The following FANCD2 variants were observed in gnomAD, a reference collection of about 807,000 sequenced individuals.
FANCD2 encodes Fanconi anemia group D2 protein.
FANCD2 carries 131 observed loss-of-function variants against 192.3 expected under a neutral mutation model. The observed-to-expected ratio is 0.68, with a 90% CI of 0.59 to 0.79. FANCD2 has a LOEUF of 0.79. FANCD2 is among the 30% of genes least tolerant of loss of function. The probability of loss-of-function intolerance (pLI) is 0.00; values close to 1 mark genes in which losing one functional copy is unlikely to be tolerated. For synonymous variants in FANCD2, 524 were observed against 612.5 expected (o/e 0.86, Z 2.13); for missense variants, 1,508 against 1,701.6 (o/e 0.89, Z 2.00).
intron 34 of FANCD2, among the ~76,000 whole-genome samples, chr3:10,087,746 T>C (rs1694307870): frequency 6.6e-6 from 1 of 152,142 alleles, no homozygotes; most frequent in African/African-American, 2.4e-5. Flanking sequence ...CCTCCCAGGT[T>C]CAAACGATTC....
intron 2 of FANCD2, among the ~76,000 whole-genome samples, chr3:10,030,751 T>G (rs765154899): frequency 5.3e-5 from 8 of 152,078 alleles, no homozygotes; most frequent in Non-Finnish European, 1.0e-4. Context: ...AATACAAAAA[T>G]TAGCTGGGCG....
chr3:10,048,636 G>A (rs1192525969), intron 16 of FANCD2, among the ~76,000 whole-genome samples: 6 of 152,288 alleles, frequency 3.9e-5, no homozygotes, highest in Admixed American at 2.0e-4. Context: ...TATCCAGAGA[G>A]GGAGGACTGT....
chr3:10,053,466 A>G (rs1194088327), intron 18 of FANCD2, among the ~76,000 whole-genome samples: 2 of 152,128 alleles, frequency 1.3e-5, no homozygotes, highest in Admixed American at 6.5e-5. Context: ...AGCATGGCAC[A>G]TGTATACATA....
Position 10,065,481 on chromosome 3 carries a change from T to A in FANCD2, c.2256T>A (p.Ile752=), listed in dbSNP as rs373461068. The A allele has an allele frequency of 4.4e-5, 70 of 1,607,704 alleles. No homozygotes were observed. In the African/African-American group the frequency reaches 8.6e-4, roughly 20 times the overall value. The change falls in exon 24 of 44, where the codon ATT becomes ATA. Residue 752 remains isoleucine (I), a synonymous_variant. Coordinates refer to ENST00000675286, the MANE Select transcript of FANCD2 (RefSeq NM_001018115.3). ...ERQHNGNLEE[I]DGLLDCPIFL... Reference sequence around the variant, plus strand: ...AGCATAACGGAAACTTGGAGGAGATTGATGGTCTACTAGGTATGGGATGAA... The same window carrying A: ...AGCATAACGGAAACTTGGAGGAGATAGATGGTCTACTAGGTATGGGATGAA...
At chr3:10,070,635 C>G (rs1693176957) in intron 26 of FANCD2, among the ~76,000 whole-genome samples, 1 of 144,664 alleles carries the variant, frequency 6.9e-6, no homozygotes, top group Non-Finnish European at 1.5e-5. Context: ...GTGTACCCAA[C>G]AGCTCATTGA....
chr3:10,063,974 A>G (rs2087642748), intron 21 of FANCD2, 63 bp downstream of exon 21: 6 of 1,612,846 alleles, frequency 3.7e-6, no homozygotes, highest in Non-Finnish European at 5.1e-6. Context: ...ACACTCTTCA[A>G]GTCTTTCTGT....
intron 41 of FANCD2, among the ~76,000 whole-genome samples, chr3:10,096,085 C>T (rs1028723275): frequency 3.3e-5 from 5 of 152,102 alleles, no homozygotes; most frequent in African/African-American, 9.7e-5. Context: ...CATTGAAGAT[C>T]GGCCAGTAAG....
At position 10,042,497 on chromosome 3, in the gene FANCD2, T is replaced by G. The variant is rs2086889969; in HGVS notation, c.784-62T>G. The G allele has an allele frequency of 9.0e-6, 11 of 1,221,234 alleles. No individual in the cohort carries two copies. The South Asian group carries it at 1.3e-4, about 15-fold the overall frequency. 75.6% of individuals were successfully genotyped at this position (1,221,234 alleles called of 1,614,324 possible). A position where few individuals can be genotyped will look rare whatever the true frequency, so the allele number is the denominator to read the frequency against. ...TTTTTTTCTAATTTTATCTAACAGTTCAGTACAAAGTTGAGGTAGTGACAT... is the reference window on the plus strand; with the variant it reads ...TTTTTTTCTAATTTTATCTAACAGTGCAGTACAAAGTTGAGGTAGTGACAT... On this transcript the variant is annotated intron_variant, in intron 10 of 43. Coordinates refer to ENST00000675286, the MANE Select transcript of FANCD2 (RefSeq NM_001018115.3).
chr3:10,065,689 C>G (rs2087699299), intron 24 of FANCD2, among the ~76,000 whole-genome samples, 175 bp from the exon 25 acceptor site: 1 of 152,160 alleles, frequency 6.6e-6, no homozygotes, highest in Admixed American at 6.5e-5. Context: ...GTTGCAAAAA[C>G]TTTCTAGTTA....
Position 10,041,364 on chromosome 3 carries a change from A to G in FANCD2, c.696-259A>G, listed in dbSNP as rs2086859658. On this transcript the variant is annotated intron_variant, in intron 9 of 43. Transcript: ENST00000675286. ...CGGGGAAGGATACATACCAAACTAA[A>G]TAGTGGTGTTCTCTGGGTAGTGGGG... 3 of 409,134 alleles carry G rather than the reference A, an allele frequency of 7.3e-6. No individual in the cohort carries two copies. The Admixed American group carries it at 1.2e-4, about 16-fold the overall frequency. 25.3% of individuals were successfully genotyped at this position (409,134 alleles called of 1,614,324 possible).
chr3:10,090,234 C>A lies in FANCD2; in HGVS notation c.3684-58C>A. 3.1e-6 allele frequency: 4 copies of A among 1,296,656 alleles called. No individual in the cohort carries two copies. In the South Asian group the frequency reaches 4.8e-5, roughly 15 times the overall value. 80.3% of individuals were successfully genotyped at this position (1,296,656 alleles called of 1,614,324 possible). A position where few individuals can be genotyped will look rare whatever the true frequency, so the allele number is the denominator to read the frequency against. On this transcript the variant is annotated intron_variant, in intron 36 of 43. Coordinates refer to ENST00000675286, the MANE Select transcript of FANCD2 (RefSeq NM_001018115.3). ...GCTACTTTTGGTTCCTGGTTCTTCC[C>A]AGGTAGTTCTAAGCAGTGCATCATG...
chr3:10,078,121 T>G lies in FANCD2; in HGVS notation c.2900T>G (p.Phe967Cys). 1.9e-6 allele frequency: 3 copies of G among 1,614,000 alleles called. No individual in the cohort carries two copies. Among genetic ancestry groups the G allele is most frequent in the Non-Finnish European group, 2.5e-6 (3 of 1,179,898 alleles). ...VVQLGPPELL[F>C]LLEDLSQKLE... ...CAACTTGGGCCCCCTGAGCTGCTTT[T>G]CTTGCTGGAAGATCTCTCCCAGAAG... Residue 967 changes from phenylalanine (F) to cysteine (C), a missense_variant, in exon 30 of 44, where the codon TTC (phenylalanine) becomes TGC (cysteine). This residue lies in a region of FANCD2 where 796 missense variants were observed against 879.4 expected (regional missense o/e 0.91). Coordinates refer to ENST00000675286, the MANE Select transcript of FANCD2 (RefSeq NM_001018115.3).
At chr3:10,056,026 G>A (rs1274990203) in intron 18 of FANCD2, among the ~76,000 whole-genome samples, 2 of 151,842 alleles carry the variant, frequency 1.3e-5, no homozygotes, top group African/African-American at 2.4e-5. Context: ...TTATAGGCAC[G>A]CACCACCACT....
intron 37 of FANCD2, among the ~76,000 whole-genome samples, chr3:10,091,912 G>A (rs1161395480): frequency 6.6e-6 from 1 of 152,174 alleles, no homozygotes; most frequent in Admixed American, 6.5e-5. Flanking sequence ...GGCCAACATG[G>A]TCAGTATATG....
chr3:10,090,292 G>A lies in FANCD2; in HGVS notation c.3684G>A (p.Arg1228=). The A allele has an allele frequency of 6.2e-7, 1 of 1,612,022 alleles. No homozygotes were observed. The highest frequency in any genetic ancestry group is 8.5e-7 in the Non-Finnish European group (1 of 1,178,564). ...ASSSTFPTLT[R]HTFVVFFRVM... ...CACGCATGCTTTTCCCGTCTTCTAGGCATACTTTTGTTGTTTTCTTCCGTG... is the reference window on the plus strand; with the variant it reads ...CACGCATGCTTTTCCCGTCTTCTAGACATACTTTTGTTGTTTTCTTCCGTG... Residue 1228 remains arginine, a splice_region_variant and synonymous_variant, in exon 37 of 44, where the codon AGG becomes AGA. Transcript: ENST00000675286.
At chr3:10,082,605 G>C (rs56048698) in intron 32 of FANCD2, among the ~76,000 whole-genome samples, 148 of 152,004 alleles carry the variant, frequency 9.7e-4, no homozygotes, top group Middle Eastern at 3.4e-3. Context: ...TAGCTTTTAC[G>C]TGGGAGGCTT....
rs1402844350 is a variant in FANCD2 at position 10,043,531 on chromosome 3, T to G, written c.1037T>G (p.Leu346Arg). ...AGCGGTCAGAGCTGTATTATTCTCC[T>G]CTTTGATGTAATAAAGTCAGCTATT... ...ESSGQSCIIL[L>R]FDVIKSAIRY... Residue 346 changes from leucine (L) to arginine (R), a missense_variant, in exon 13 of 44, where the codon CTC becomes CGC. Leu to Arg is a moderately radical substitution (Grantham distance 102, BLOSUM62 -2). Around this residue, in one of 5 missense-constraint regions of FANCD2, gnomAD observed 435 missense variants for 421.9 expected, o/e 1.03. Transcript: ENST00000675286. 10 of 1,613,972 alleles carry G rather than the reference T, an allele frequency of 6.2e-6. No homozygotes were observed. The highest frequency in any genetic ancestry group is 8.5e-6 in the Non-Finnish European group (10 of 1,179,844).
chr3:10,069,807 C>G (rs1000690801), intron 26 of FANCD2, among the ~76,000 whole-genome samples: 1 of 152,100 alleles, frequency 6.6e-6, no homozygotes, highest in East Asian at 1.9e-4. Flanking sequence ...GATCTCGGCT[C>G]GCTACAACCT....
At chr3:10,082,546 A>G (rs889607830) in intron 32 of FANCD2, among the ~76,000 whole-genome samples, 1 of 152,048 alleles carries the variant, frequency 6.6e-6, no homozygotes, top group Non-Finnish European at 1.5e-5. Context: ...TCCACTTATT[A>G]TGTTATACTC....
Sources: allele counts gnomAD v4.1 joint callset (sites outside exome capture counted in the v4.1 genomes callset), GRCh38; gene constraint gnomAD v4.1.1; regional missense constraint gnomAD v4.1.1; transcripts MANE v1.5; gene names NCBI Gene and HGNC (gene_info 2026-07-23, HGNC 2026-07-21).